GNG4: variants seen among roughly 807,000 people sequenced by gnomAD.
GNG4 encodes G protein subunit gamma 4.
A neutral mutation model predicts 5.8 loss-of-function variants in GNG4; 4 were observed. That is an observed-to-expected ratio of 0.69 (90% CI 0.34 to 1.57). The LOEUF (loss-of-function observed/expected upper bound fraction) is 1.57, where lower values mean the gene tolerates loss of function less well. GNG4 is among the 40% of genes most tolerant of loss of function. The pLI, the probability that GNG4 is intolerant of heterozygous loss-of-function variation, is 0.06. For synonymous variants in GNG4, 29 were observed against 32.9 expected, an observed-to-expected ratio of 0.88 and a Z score of 0.41; for missense variants, 96 against 95.1, an observed-to-expected ratio of 1.01 and a Z score of -0.04.
intron 3 of GNG4, among the ~76,000 whole-genome samples, chr1:235,576,876 C>T (rs960169696): frequency 6.6e-6 from 1 of 152,160 alleles, no homozygotes; most frequent in Non-Finnish European, 1.5e-5. Context: ...TATATTTGCA[C>T]TTGTGCTTTT....
At chr1:235,616,905 ATTTT>A (rs553175038) in intron 1 of GNG4, among the ~76,000 whole-genome samples, 2 of 115,780 alleles carry the variant, frequency 1.7e-5, no homozygotes, top group South Asian at 2.9e-4. Context: ...CACCTGGCTA[ATTTT>A]TTTTTTTTTT....
intron 1 of GNG4, among the ~76,000 whole-genome samples, chr1:235,600,329 G>A (rs1688231330): frequency 6.6e-6 from 1 of 151,790 alleles, no homozygotes; most frequent in African/African-American, 2.4e-5. Context: ...TGGCCAGGCT[G>A]GTCTTGAACC....
chr1:235,625,951 G>A (rs185162649), intron 1 of GNG4, among the ~76,000 whole-genome samples: 9 of 152,302 alleles, frequency 5.9e-5, no homozygotes, highest in Admixed American at 5.9e-4. Flanking sequence ...AAATTCCAAG[G>A]AGTGCAATTG....
chr1:235,557,635 TCAA>T (rs1490888288), intron 3 of GNG4, among the ~76,000 whole-genome samples: 1 of 152,154 alleles, frequency 6.6e-6, no homozygotes, highest in Non-Finnish European at 1.5e-5. Flanking sequence ...CCGGTGGTTA[TCAA>T]CATCCATCAT....
Position 235,568,476 on chromosome 1 carries a change from A to C in GNG4, c.99+15264T>G, listed in dbSNP as rs149230945. Among the ~76,000 whole-genome samples, 874 of 152,374 alleles carry C rather than the reference A, an allele frequency of 5.7e-3. 9 individuals carry two copies. Among genetic ancestry groups the C allele is most frequent in the African/African-American group, 0.02 (819 of 41,588 alleles). On this transcript the variant is annotated intron_variant, in intron 3 of 3. Transcript: ENST00000391854. Reference sequence around the variant, plus strand: ...ATGCACATCTGTATCTCCTTTAGTGAAATTCAATGGAATAAAATAAAATAA... The same window carrying C: ...ATGCACATCTGTATCTCCTTTAGTGCAATTCAATGGAATAAAATAAAATAA...
chr1:235,627,697 TC>T (rs1189001224), intron 1 of GNG4, among the ~76,000 whole-genome samples: 1 of 152,114 alleles, frequency 6.6e-6, no homozygotes, highest in Non-Finnish European at 1.5e-5. Flanking sequence ...CAATGGCCTC[TC>T]CCCAGGACAC....
chr1:235,570,929 CA>C (rs1558478713), intron 3 of GNG4, among the ~76,000 whole-genome samples: 18 of 63,818 alleles, frequency 2.8e-4, no homozygotes, highest in African/African-American at 1.5e-3. Context: ...TATATACACA[CA>C]CACACACACA....
At chr1:235,618,337 T>C (rs536896648) in intron 1 of GNG4, among the ~76,000 whole-genome samples, 14 of 152,290 alleles carry the variant, frequency 9.2e-5, no homozygotes, top group African/African-American at 3.4e-4. Context: ...AATATGAATA[T>C]GAATTGCTCT....
chr1:235,571,553 G>C (rs1687345161), intron 3 of GNG4, among the ~76,000 whole-genome samples: 1 of 152,128 alleles, frequency 6.6e-6, no homozygotes. Context: ...GAGAATGTGG[G>C]AAAACACACA....
chr1:235,587,654 TTGGGTGTGTGTGTG>T (rs1687842139), intron 2 of GNG4, among the ~76,000 whole-genome samples: 1 of 2,496 alleles, frequency 4.0e-4, no homozygotes, highest in African/African-American at 1.8e-3. Context: ...TGGGAGGGTG[TTGGGTGTGTGTGTG>T]ACTGTGGGGT....
At chr1:235,572,033 A>C (rs568265922) in intron 3 of GNG4, among the ~76,000 whole-genome samples, 1 of 151,840 alleles carries the variant, frequency 6.6e-6, no homozygotes, top group Non-Finnish European at 1.5e-5. Context: ...ACAGGATCTC[A>C]CTATGTTGCC....
At chr1:235,600,505 T>C (rs539219549) in intron 1 of GNG4, among the ~76,000 whole-genome samples, 30 of 151,834 alleles carry the variant, frequency 2.0e-4, no homozygotes, top group African/African-American at 7.0e-4. Context: ...AGTGGTGCAA[T>C]CATAGCTCAC....
chr1:235,551,843 C>A lies in GNG4; in HGVS notation c.*266G>T. On this transcript the variant is annotated 3_prime_UTR_variant, in exon 4 of 4. Transcript: ENST00000391854. ...TTTAAAAATTTTAAACTCTTAAGTCCAGACTTACTTTTACATGGCACATTT... is the reference window on the plus strand; with the variant it reads ...TTTAAAAATTTTAAACTCTTAAGTCAAGACTTACTTTTACATGGCACATTT... 1 of 263,962 alleles carries A rather than the reference C, an allele frequency of 3.8e-6. No individual in the cohort carries two copies. The highest frequency in any genetic ancestry group is 7.3e-6 in the Non-Finnish European group (1 of 136,248). 16.4% of individuals were successfully genotyped at this position (263,962 alleles called of 1,614,324 possible).
rs1686666045 is a variant in GNG4, at chr1:235,549,051, G to A, written c.*3058C>T. 6.6e-6 allele frequency: 1 copy of A among 152,222 alleles called. No homozygotes were observed. Among genetic ancestry groups the A allele is most frequent in the Admixed American group, 6.6e-5 (1 of 15,258 alleles). The allele number at this position is 152,222 out of a possible 1,614,324, so 9.4% of individuals were successfully genotyped here. The stretch of plus-strand genomic sequence containing the variant: ...CTACTAAAAATACAAAAATTAGCCG[G>A]GTGTGGTGGCGGGCGCCTGCAATCC... On this transcript the variant is annotated 3_prime_UTR_variant, in exon 4 of 4. Transcript: ENST00000391854.
chr1:235,587,663 T>TGGTGTGG (rs1558486486), intron 2 of GNG4, among the ~76,000 whole-genome samples: 2 of 17,470 alleles, frequency 1.1e-4, no homozygotes, highest in African/African-American at 4.1e-4. Context: ...GTTGGGTGTG[T>TGGTGTGG]GTGTGACTGT....
intron 1 of GNG4, among the ~76,000 whole-genome samples, chr1:235,621,120 C>T (rs1189386301): frequency 6.6e-6 from 1 of 150,896 alleles, no homozygotes; most frequent in Non-Finnish European, 1.5e-5. Context: ...TGGTCCGTCA[C>T]CTTGGGTTTA....
upstream of GNG4, among the ~76,000 whole-genome samples, chr1:235,650,200 G>C (rs1437012216): frequency 6.6e-6 from 1 of 150,794 alleles, no homozygotes; most frequent in Admixed American, 6.6e-5. Flanking sequence ...CCCCCCCGGA[G>C]CCCGCGTGGC....
chr1:235,601,118 G>T (rs1688249187), intron 1 of GNG4, among the ~76,000 whole-genome samples: 1 of 152,222 alleles, frequency 6.6e-6, no homozygotes, highest in Non-Finnish European at 1.5e-5. Context: ...TGTACTGATG[G>T]CTCCAACAAC....
intron 2 of GNG4, among the ~76,000 whole-genome samples, chr1:235,590,728 G>A (rs953067745): frequency 3.3e-5 from 5 of 152,164 alleles, no homozygotes; most frequent in African/African-American, 9.7e-5. Context: ...TCCCAGCACT[G>A]TGGCCCTGCA....
Sources: gnomAD v4.1 joint callset for allele counts (sites outside exome capture counted in the v4.1 genomes callset) on GRCh38, gnomAD v4.1.1 for gene constraint, MANE v1.5 for transcripts, NCBI Gene and HGNC (gene_info 2026-07-23, HGNC 2026-07-21) for gene names.